The following CCDC142 variants were observed in gnomAD, a reference collection of about 807,000 sequenced individuals.
CCDC142 encodes coiled-coil domain containing 142, also known as coiled-coil domain-containing protein 142.
CCDC142 carries 67 observed loss-of-function variants against 83.8 expected under a neutral mutation model. The observed-to-expected ratio is 0.80, with a 90% CI of 0.66 to 0.98. CCDC142 has a LOEUF of 0.98. CCDC142 is among the 50% of genes least tolerant of loss of function. CCDC142 has a pLI of 0.00. For synonymous variants in CCDC142, 421 were observed against 421.2 expected (o/e 1.00, Z 0.01); for missense variants, 905 against 946.8 (o/e 0.96, Z 0.58).
chr2:74,482,658 C>A lies in CCDC142; in HGVS notation c.180G>T (p.Pro60=), dbSNP rs1222955882. The A allele has an allele frequency of 2.9e-5, 46 of 1,611,412 alleles. No individual in the cohort carries two copies. The highest frequency in any genetic ancestry group is 3.7e-5 in the Non-Finnish European group (44 of 1,179,948). The change falls in exon 1 of 9, where the codon CCG becomes CCT. Residue 60 remains proline (P), a synonymous_variant. Coordinates refer to ENST00000393965, the MANE Select transcript of CCDC142 (RefSeq NM_001365575.2). This position sits in a 1 kb window ranked among gnomAD's most constrained non-coding sequence, Gnocchi z 5.0. The part of the protein sequence containing the change: ...TSGGTPWWPT[P]ADVSEDYEAD... ...CCTCGTAGTCCTCGCTCACATCCGC[C>A]GGCGTCGGCCACCACGGCGTCCCTC...
Position 74,482,913 on chromosome 2 carries a change from C to A in CCDC142, c.-76G>T. On this transcript the variant is annotated 5_prime_UTR_variant, in exon 1 of 9. Coordinates refer to ENST00000393965, the MANE Select transcript of CCDC142 (RefSeq NM_001365575.2). This position sits in a 1 kb window ranked among gnomAD's most constrained non-coding sequence, Gnocchi z 5.0. ...CCAACGCCCGCCGCAGCTCGGACTT[C>A]GCCCCATCGCAAGAGCCGTTTTCTC... 6.4e-7 allele frequency: 1 copy of A among 1,565,746 alleles called. No individual in the cohort carries two copies. Among genetic ancestry groups the A allele is most frequent in the Non-Finnish European group, 8.6e-7 (1 of 1,156,546 alleles).
At chr2:74,478,313 C>T (rs1420266334) in intron 5 of CCDC142, among the ~76,000 whole-genome samples, 5 of 151,068 alleles carry the variant, frequency 3.3e-5, no homozygotes, top group African/African-American at 4.9e-5. Flanking sequence ...CCACCTGCCT[C>T]GGTTTCCCAA....
intron 6 of CCDC142, 21 bp downstream of exon 6, chr2:74,475,591 G>T: frequency 6.3e-7 from 1 of 1,594,644 alleles, no homozygotes; most frequent in Non-Finnish European, 8.6e-7. Flanking sequence ...TCTGGAAGGA[G>T]AAGCTGGGAT....
In CCDC142 at chr2:74,482,637, G is replaced by A. The variant is rs1572934209; in HGVS notation, c.201C>T (p.Tyr67=). 6.2e-7 allele frequency: 1 copy of A among 1,611,840 alleles called. No homozygotes were observed. The stretch of plus-strand genomic sequence containing the variant: ...GCCTCCAGGCCGCAGCATCAGCCTC[G>A]TAGTCCTCGCTCACATCCGCCGGCG... ...WPTPADVSED[Y]EADAAAWRRG... The change falls in exon 1 of 9, where the codon TAC becomes TAT. Residue 67 remains tyrosine, a synonymous_variant. Transcript: ENST00000393965. This position sits in a 1 kb window ranked among gnomAD's most constrained non-coding sequence, Gnocchi z 5.0.
At position 74,474,712 on chromosome 2, in the gene CCDC142, G is replaced by C. The variant is rs1250056204; in HGVS notation, c.2087C>G (p.Ser696Cys). The C allele has an allele frequency of 6.2e-7, 1 of 1,614,228 alleles. No individual in the cohort carries two copies. Among genetic ancestry groups the C allele is most frequent in the Non-Finnish European group, 8.5e-7 (1 of 1,180,044 alleles). The stretch of plus-strand genomic sequence containing the variant: ...TTGCAGCTGACCTGTCTGGGCTGGA[G>C]ATGTTCCAGGCTGGAGCGGGGGCTC... The part of the protein sequence containing the change: ...SLEPPLQPGT[S>C]PAQTGQLQST... The change falls in exon 9 of 9, where the codon TCT (serine) becomes TGT (cysteine). Residue 696 changes from serine to cysteine, a missense_variant. Around this residue, in one of 3 missense-constraint regions of CCDC142, gnomAD observed 265 missense variants for 288.9 expected, o/e 0.92. Transcript: ENST00000393965.
chr2:74,477,448 T>C (rs377656037), intron 5 of CCDC142, among the ~76,000 whole-genome samples: 24 of 152,190 alleles, frequency 1.6e-4, no homozygotes, highest in South Asian at 8.3e-4. Flanking sequence ...GCGCAAATTG[T>C]TGGGGCTGGT....
chr2:74,478,600 C>T (rs1672379042), intron 5 of CCDC142, among the ~76,000 whole-genome samples: 1 of 151,138 alleles, frequency 6.6e-6, no homozygotes, highest in Non-Finnish European at 1.5e-5. Flanking sequence ...TGGTCTTGAA[C>T]TCCTGACCTC....
chr2:74,475,672 T>A lies in CCDC142; in HGVS notation c.1558A>T (p.Met520Leu), dbSNP rs763956662. The change falls in exon 6 of 9, where the codon ATG (methionine) becomes TTG (leucine). Residue 520 changes from methionine (M) to leucine (L), a missense_variant. Met to Leu is a conservative substitution (Grantham distance 15). This residue lies in a region of CCDC142 where 265 missense variants were observed against 288.9 expected (regional missense o/e 0.92). Transcript: ENST00000393965. The stretch of plus-strand genomic sequence containing the variant: ...GGCATGTAGAGCTTGAAACCTTGCA[T>A]GGCTTGTTTATGACATTCTTGAGAA... The part of the protein sequence containing the change: ...VFSQECHKQA[M>L]QGFKLYMPRG... 30 of 1,614,020 alleles carry A rather than the reference T, an allele frequency of 1.9e-5. No homozygotes were observed. In the South Asian group the frequency reaches 3.1e-4, roughly 17 times the overall value.
intron 5 of CCDC142, among the ~76,000 whole-genome samples, chr2:74,476,252 A>T (rs1558572572): frequency 6.6e-6 from 1 of 152,076 alleles, no homozygotes; most frequent in Non-Finnish European, 1.5e-5. Flanking sequence ...GGCTCACTGC[A>T]ACCTCTGCCT....
At position 74,482,673 on chromosome 2, in the gene CCDC142, C is replaced by A; in HGVS notation, c.165G>T (p.Pro55=). 3 of 1,610,916 alleles carry A rather than the reference C, an allele frequency of 1.9e-6. No homozygotes were observed. The highest frequency in any genetic ancestry group is 1.6e-4 in the Middle Eastern group (1 of 6,062). The change falls in exon 1 of 9, where the codon CCG becomes CCT. Residue 55 remains proline, a synonymous_variant. Coordinates refer to ENST00000393965, the MANE Select transcript of CCDC142 (RefSeq NM_001365575.2). This position sits in a 1 kb window ranked among gnomAD's most constrained non-coding sequence, Gnocchi z 5.0. ...CWPSGTSGGT[P]WWPTPADVSE... ...TCACATCCGCCGGCGTCGGCCACCA[C>A]GGCGTCCCTCCAGAAGTTCCGCTCG...
At position 74,481,261 on chromosome 2, in the gene CCDC142, C is replaced by A; in HGVS notation, c.1220G>T (p.Arg407Leu). The change falls in exon 3 of 9, where the codon CGA becomes CTA. Residue 407 changes from arginine (R) to leucine (L), a missense_variant. This residue lies in a region of CCDC142 where 591 missense variants were observed against 571.4 expected (regional missense o/e 1.03). Transcript: ENST00000393965. ...QLFPPLLDAL[R>L]EPRLRRIFCQ... ...GAAAATCCGTCGTAACCTGGGCTCT[C>A]GAAGGGCATCCAAGAGAGGAGGAAA... 3.6e-5 allele frequency: 58 copies of A among 1,614,090 alleles called. No individual in the cohort carries two copies. The highest frequency in any genetic ancestry group is 4.9e-5 in the Non-Finnish European group (58 of 1,180,014).
rs747524130 is a variant in CCDC142, at chr2:74,474,865, G to T, written c.1996+51C>A. 5 of 1,577,692 alleles carry T rather than the reference G, an allele frequency of 3.2e-6. No homozygotes were observed. The African/African-American group carries it at 4.1e-5, about 13-fold the overall frequency. Reference sequence around the variant, plus strand: ...GATATACTGAAGCCAGATTAATGGTGAGAATAGGGTTTGGGACACACAAAG... The same window carrying T: ...GATATACTGAAGCCAGATTAATGGTTAGAATAGGGTTTGGGACACACAAAG... On this transcript the variant is annotated intron_variant, in intron 8 of 8. Transcript: ENST00000393965.
Position 74,481,359 on chromosome 2 carries a change from G to A in CCDC142, c.1122C>T (p.Ala374=). 2 of 1,614,110 alleles carry A rather than the reference G, an allele frequency of 1.2e-6. No individual in the cohort carries two copies. Among genetic ancestry groups the A allele is most frequent in the Non-Finnish European group, 1.7e-6 (2 of 1,180,028 alleles). The change falls in exon 3 of 9, where the codon GCC becomes GCT. Residue 374 remains alanine (A), a synonymous_variant. Transcript: ENST00000393965. ...IWSWDQGFCQ[A]LGSALGGQSS... ...TCTGACCCCCAAGAGCTGATCCCAA[G>A]GCCTGGCAGAAACCTGAGGATGAGA...
At chr2:74,475,783 T>G in intron 5 of CCDC142, 57 bp from the exon 6 acceptor site, 1 of 1,034,994 alleles carries the variant, frequency 9.7e-7, no homozygotes, top group South Asian at 1.4e-5. Context: ...ATCCTCTATA[T>G]CTAAGGAGCT....
rs774119975 is a variant in CCDC142, at chr2:74,482,185, T to G, written c.653A>C (p.Lys218Thr). The G allele has an allele frequency of 1.4e-5, 22 of 1,613,508 alleles. No individual in the cohort carries two copies. In the Admixed American group the frequency reaches 2.5e-4, roughly 18 times the overall value. ...ALPAYHTLQR[K>T]ALSHVPGAAR... is the part of the protein sequence containing the mutation. Reference sequence around the variant, plus strand: ...GGCCCCTGGGACGTGGCTCAAGGCTTTTCTCTGTAGTGTGTGGTAGGCGGG... The same window carrying G: ...GGCCCCTGGGACGTGGCTCAAGGCTGTTCTCTGTAGTGTGTGGTAGGCGGG... Residue 218 changes from lysine to threonine, a missense_variant, in exon 1 of 9, where the codon AAA becomes ACA. By Grantham distance (78) the Lys-to-Thr change is moderately conservative. This residue lies in a region of CCDC142 where 591 missense variants were observed against 571.4 expected (regional missense o/e 1.03). Transcript: ENST00000393965. The surrounding 1 kb of genome is among the most constrained non-coding windows in gnomAD (Gnocchi z 5.0).
Position 74,482,470 on chromosome 2 carries a change from T to A in CCDC142, c.368A>T (p.Lys123Met). Residue 123 changes from lysine (K) to methionine (M), a missense_variant, in exon 1 of 9, where the codon AAG becomes ATG. Physicochemically the swap from Lys to Met is moderately conservative, Grantham distance 95. Around this residue, in one of 3 missense-constraint regions of CCDC142, gnomAD observed 591 missense variants for 571.4 expected, o/e 1.03. Coordinates refer to ENST00000393965, the MANE Select transcript of CCDC142 (RefSeq NM_001365575.2). The surrounding 1 kb of genome is among the most constrained non-coding windows in gnomAD (Gnocchi z 5.0). ...YHLQSAVRLM[K>M]TLSPGSPSGG... The stretch of plus-strand genomic sequence containing the variant: ...GGATGGCGAGCCAGGACTCAGGGTC[T>A]TCATGAGTCGCACAGCCGACTGTAG... The A allele has an allele frequency of 5.2e-6, 8 of 1,551,014 alleles. No homozygotes were observed. The highest frequency in any genetic ancestry group is 7.0e-6 in the Non-Finnish European group (8 of 1,145,912).
chr2:74,478,691 A>T (rs1283754133), intron 5 of CCDC142, among the ~76,000 whole-genome samples: 1 of 151,962 alleles, frequency 6.6e-6, no homozygotes, highest in Non-Finnish European at 1.5e-5. Flanking sequence ...CCTGGGCAAC[A>T]TGGCAAAACC....
chr2:74,478,111 G>T (rs1025395733), intron 5 of CCDC142, among the ~76,000 whole-genome samples: 1 of 148,724 alleles, frequency 6.7e-6, no homozygotes, highest in Non-Finnish European at 1.5e-5. Flanking sequence ...GCCCAGGCTG[G>T]AATGCAATGG....
Position 74,474,825 on chromosome 2 carries a change from T to C in CCDC142, c.1997-23A>G, listed in dbSNP as rs754675789. The C allele has an allele frequency of 1.1e-5, 18 of 1,596,496 alleles. No homozygotes were observed. In the South Asian group the frequency reaches 1.8e-4, roughly 16 times the overall value. ...CACCTGGTAAGGCAGGAGTGGAAGGTAGGTGGCTGCTGGGGATATACTGAA... is the reference window on the plus strand; with the variant it reads ...CACCTGGTAAGGCAGGAGTGGAAGGCAGGTGGCTGCTGGGGATATACTGAA... On this transcript the variant is annotated intron_variant, in intron 8 of 8. Coordinates refer to ENST00000393965, the MANE Select transcript of CCDC142 (RefSeq NM_001365575.2).
Sources: gnomAD v4.1 joint callset for allele counts (sites outside exome capture counted in the v4.1 genomes callset) on GRCh38, gnomAD v4.1.1 for gene constraint, gnomAD v4.1.1 regional missense constraint, Gnocchi (gnomAD v3.1) non-coding constraint, MANE v1.5 for transcripts, NCBI Gene and HGNC (gene_info 2026-07-23, HGNC 2026-07-21) for gene names.